RPS6KA2: variants seen among roughly 807,000 people sequenced by gnomAD.
The protein encoded by RPS6KA2 is ribosomal protein S6 kinase A2, also known as ribosomal protein S6 kinase alpha-2.
A neutral mutation model predicts 91.8 loss-of-function variants in RPS6KA2; 42 were observed. The ratio of observed to expected loss-of-function variants is 0.46; its 90% CI spans 0.36 to 0.59. The LOEUF is 0.59. Ranked by LOEUF, RPS6KA2 falls within the 20% of genes least tolerant of loss-of-function variation. RPS6KA2 has a pLI of 0.00. For synonymous variants in RPS6KA2, 414 were observed against 393.6 expected, an observed-to-expected ratio of 1.05 and a Z score of -0.61; for missense variants, 798 against 978.5, an observed-to-expected ratio of 0.82 and a Z score of 2.46.
chr6:166,693,498 C>T (rs1351707867), intron 2 of RPS6KA2, among the ~76,000 whole-genome samples: 1 of 152,238 alleles, frequency 6.6e-6, no homozygotes, highest in Non-Finnish European at 1.5e-5. Flanking sequence ...CGCAAAGCCC[C>T]AGGAGGACTC....
chr6:166,776,838 T>C (rs1303786300), intron 2 of RPS6KA2, among the ~76,000 whole-genome samples: 4 of 152,222 alleles, frequency 2.6e-5, no homozygotes, highest in African/African-American at 7.2e-5. Context: ...CTGTCTCTTA[T>C]CTTTTGGCGA....
intron 2 of RPS6KA2, among the ~76,000 whole-genome samples, chr6:166,743,736 C>T (rs149078438): frequency 1.3e-5 from 2 of 152,336 alleles, no homozygotes; most frequent in East Asian, 3.9e-4. Context: ...TTTAACTTTT[C>T]ACCCGTAGAA....
chr6:166,412,096 C>G lies in RPS6KA2; in HGVS notation c.*666G>C, dbSNP rs981744807. On this transcript the variant is annotated 3_prime_UTR_variant, in exon 21 of 21. Coordinates refer to ENST00000265678, the MANE Select transcript of RPS6KA2 (RefSeq NM_021135.6). The surrounding 1 kb of genome is among the most constrained non-coding windows in gnomAD (Gnocchi z 4.3). The stretch of plus-strand genomic sequence containing the variant: ...CGGAGCTCTCAAGGCAAAGATCCAG[C>G]CTGCCTTCCTCTCGTCTGGGCTCTT... 1 of 152,468 alleles carries G rather than the reference C, an allele frequency of 6.6e-6. No homozygotes were observed. Among genetic ancestry groups the G allele is most frequent in the East Asian group, 1.9e-4 (1 of 5,182 alleles). The allele number at this position is 152,468 out of a possible 1,614,324, so 9.4% of individuals were successfully genotyped here.
chr6:166,557,619 T>C lies in RPS6KA2; in HGVS notation c.100-18835A>G, dbSNP rs755805052. On this transcript the variant is annotated intron_variant, in intron 1 of 20. Coordinates refer to ENST00000265678, the MANE Select transcript of RPS6KA2 (RefSeq NM_021135.6). The surrounding 1 kb of genome is among the most constrained non-coding windows in gnomAD (Gnocchi z 4.8). ...TTTTGTGTCTGTTATTAAAAAATGTTTTAATGAAGTATTATACCACATAAT... is the reference window on the plus strand; with the variant it reads ...TTTTGTGTCTGTTATTAAAAAATGTCTTAATGAAGTATTATACCACATAAT... Among the ~76,000 whole-genome samples, 9 of 152,244 alleles carry C rather than the reference T, an allele frequency of 5.9e-5. No homozygotes were observed. The highest frequency in any genetic ancestry group is 8.8e-5 in the Non-Finnish European group (6 of 68,042).
intron 2 of RPS6KA2, among the ~76,000 whole-genome samples, chr6:166,853,640 C>T (rs909615493): frequency 1.3e-5 from 2 of 152,248 alleles, no homozygotes; most frequent in Admixed American, 6.5e-5. Context: ...ATCGTGGCCA[C>T]CTAAGTCTCA....
intron 10 of RPS6KA2, among the ~76,000 whole-genome samples, chr6:166,476,018 G>A (rs1044574842): frequency 1.3e-5 from 2 of 152,170 alleles, no homozygotes; most frequent in African/African-American, 4.8e-5. Context: ...GTCTCACAAT[G>A]TGACCACATG....
At chr6:166,683,008 A>T (rs1430603639) in intron 2 of RPS6KA2, among the ~76,000 whole-genome samples, 1 of 152,226 alleles carries the variant, frequency 6.6e-6, no homozygotes, top group East Asian at 1.9e-4. Flanking sequence ...AAACTAGGGG[A>T]AGGCCTACCA....
intron 2 of RPS6KA2, among the ~76,000 whole-genome samples, chr6:166,746,783 C>T (rs1264616872): frequency 6.6e-6 from 1 of 152,104 alleles, no homozygotes; most frequent in African/African-American, 2.4e-5. Context: ...GTTCCTTCAA[C>T]TAAATAGGGG....
In RPS6KA2 at chr6:166,557,682, TAC is replaced by T. The variant is rs1191897451; in HGVS notation, c.100-18900_100-18899del. ...AAGTCCAGGCAACTTACAGAAATAA[TAC>T]AGATAAATTACAAGAAAGTTGTTAT... On this transcript the variant is annotated intron_variant, in intron 1 of 20. Coordinates refer to ENST00000265678, the MANE Select transcript of RPS6KA2 (RefSeq NM_021135.6). The surrounding 1 kb of genome is among the most constrained non-coding windows in gnomAD (Gnocchi z 4.8). 6.6e-6 allele frequency among the ~76,000 whole-genome samples: 1 copy of T among 152,194 alleles called. No homozygotes were observed.
intron 19 of RPS6KA2, 88 bp from the exon 20 acceptor site, chr6:166,414,019 T>C: frequency 8.0e-7 from 1 of 1,246,512 alleles, no homozygotes; most frequent in East Asian, 2.4e-5. Flanking sequence ...CCTCTCCCTC[T>C]ATGGCAACAC....
intron 2 of RPS6KA2, among the ~76,000 whole-genome samples, chr6:166,841,538 C>T (rs1780479648): frequency 6.6e-6 from 1 of 152,240 alleles, no homozygotes; most frequent in Non-Finnish European, 1.5e-5. Flanking sequence ...AGAACAAAAA[C>T]TTAATTGCAG....
chr6:166,537,804 T>G (rs1047079026), intron 2 of RPS6KA2, among the ~76,000 whole-genome samples: 1 of 152,246 alleles, frequency 6.6e-6, no homozygotes, highest in Non-Finnish European at 1.5e-5. Context: ...ACGGTTGGCT[T>G]CATGGTTTAT....
chr6:166,828,166 C>T (rs1028503049), intron 2 of RPS6KA2, among the ~76,000 whole-genome samples: 2 of 152,194 alleles, frequency 1.3e-5, no homozygotes, highest in African/African-American at 2.4e-5. Flanking sequence ...CCCACCTGTT[C>T]CCTCCCAGCT....
At chr6:166,450,021 AC>A (rs1309727975) in intron 13 of RPS6KA2, among the ~76,000 whole-genome samples, 2 of 149,762 alleles carry the variant, frequency 1.3e-5, no homozygotes, top group Non-Finnish European at 3.0e-5. Flanking sequence ...CACCTAAGGG[AC>A]CACCACAGGA....
At position 166,689,708 on chromosome 6, in the gene RPS6KA2, A is replaced by C. The variant is rs184177082; in HGVS notation, c.124-150924T>G. Among the ~76,000 whole-genome samples the C allele has an allele frequency of 5.4e-4, 82 of 152,290 alleles. No individual in the cohort carries two copies. The South Asian group carries it at 6.8e-3, about 13-fold the overall frequency. On this transcript the variant is annotated intron_variant, in intron 2 of 21. Transcript: ENST00000503859. ...TTTGAAGCCTCGGGCATTTTAATAA[A>C]TGTCCCCCTATTTCATAGGCAAAAG...
In RPS6KA2 at chr6:166,504,597, C is replaced by G; in HGVS notation, c.475G>C (p.Glu159Gln). The G allele has an allele frequency of 6.2e-7, 1 of 1,612,150 alleles. No individual in the cohort carries two copies. The highest frequency in any genetic ancestry group is 8.5e-7 in the Non-Finnish European group (1 of 1,178,892). Residue 159 changes from glutamate (E) to glutamine (Q), a missense_variant, in exon 6 of 21, where the codon GAG (glutamate) becomes CAG (glutamine). Glu to Gln is a conservative substitution (Grantham distance 29). Coordinates refer to ENST00000265678, the MANE Select transcript of RPS6KA2 (RefSeq NM_021135.6). Reference sequence around the variant, plus strand: ...TCAGCCAGGTAGAACTTGACATCCTCCTCCGTGAACATGACCTAGTAAGAA... The same window carrying G: ...TCAGCCAGGTAGAACTTGACATCCTGCTCCGTGAACATGACCTAGTAAGAA... ...RLSKEVMFTE[E>Q]DVKFYLAELA...
intron 3 of RPS6KA2, among the ~76,000 whole-genome samples, chr6:166,529,545 G>A (rs1037613569): frequency 1.3e-5 from 2 of 152,006 alleles, no homozygotes; most frequent in Non-Finnish European, 2.9e-5. Context: ...CGTTGTGCAC[G>A]TGTACCCTAG....
In RPS6KA2 at chr6:166,839,662, G is replaced by A. The variant is rs544331481; in HGVS notation, c.123+18538C>T. Among the ~76,000 whole-genome samples, 561 of 129,748 alleles carry A rather than the reference G, an allele frequency of 4.3e-3. 13 individuals are homozygous for A. Among genetic ancestry groups the A allele is most frequent in the African/African-American group, 0.016 (536 of 33,482 alleles). The allele number at this position is 129,748 out of a possible 152,430, so 85.1% of individuals were successfully genotyped here. ...TGTAGTCACAAGGGTGCTTATAAGA[G>A]GGAGGTGGAAATCAGAGCAGGAGAG... On this transcript the variant is annotated intron_variant, in intron 2 of 21. Coordinates refer to the RPS6KA2 transcript ENST00000503859.
intron 2 of RPS6KA2, among the ~76,000 whole-genome samples, chr6:166,660,486 C>T (rs1177632375): frequency 1.3e-5 from 2 of 152,204 alleles, no homozygotes; most frequent in East Asian, 3.9e-4. Context: ...GTCTGCCTGT[C>T]ACACAAGACA....
Sources: gnomAD v4.1 joint callset for allele counts (sites outside exome capture counted in the v4.1 genomes callset) on GRCh38, gnomAD v4.1.1 for gene constraint, Gnocchi (gnomAD v3.1) non-coding constraint, MANE v1.5 for transcripts, NCBI Gene and HGNC (gene_info 2026-07-23, HGNC 2026-07-21) for gene names.